The following ABHD5 variants were observed in gnomAD, a reference collection of about 807,000 sequenced individuals.
The protein encoded by ABHD5 is abhydrolase domain containing 5, lysophosphatidic acid acyltransferase, also known as 1-acylglycerol-3-phosphate O-acyltransferase ABHD5.
ABHD5 carries 30 observed loss-of-function variants against 44.9 expected under a neutral mutation model. That is an observed-to-expected ratio of 0.67 (90% CI 0.50 to 0.91). The LOEUF is 0.91. Ranked by LOEUF, ABHD5 falls within the 40% of genes least tolerant of loss-of-function variation. The pLI is 0.00. For missense variants in ABHD5, 399 were observed against 423.4 expected, an observed-to-expected ratio of 0.94 and a Z score of 0.50; for synonymous variants, 167 against 147.0, an observed-to-expected ratio of 1.14 and a Z score of -0.99.
intron 1 of ABHD5, among the ~76,000 whole-genome samples, chr3:43,694,152 G>A (rs555074886): frequency 0.011 from 1,657 of 151,498 alleles, 18 homozygotes; most frequent in Non-Finnish European, 0.014. Flanking sequence ...CCAGCTACTC[G>A]GGAGGCTGAG....
intron 2 of ABHD5, chr3:43,699,611 A>G (rs1424942658): frequency 4.7e-6 from 2 of 425,438 alleles, no homozygotes; most frequent in Non-Finnish European, 8.7e-6. Context: ...AGATTTGTTT[A>G]TGGGCTTATT....
At chr3:43,698,480 A>T (rs1484924743) in intron 1 of ABHD5, among the ~76,000 whole-genome samples, 1 of 152,208 alleles carries the variant, frequency 6.6e-6, no homozygotes, top group African/African-American at 2.4e-5. Flanking sequence ...AGGTTATTAC[A>T]GTAAGCTTTT....
In ABHD5 at chr3:43,720,466, A is replaced by G. The variant is rs541306296; in HGVS notation, c.*1934A>G. ...GATAATTTATTTTCCTACAGACTGAATTTGCTTTATTTGAAAGATGTTGTA... is the reference window on the plus strand; with the variant it reads ...GATAATTTATTTTCCTACAGACTGAGTTTGCTTTATTTGAAAGATGTTGTA... On this transcript the variant is annotated 3_prime_UTR_variant, in exon 7 of 7. Coordinates refer to ENST00000644371, the MANE Select transcript of ABHD5 (RefSeq NM_016006.6). The G allele has an allele frequency of 6.6e-6, 1 of 152,270 alleles. No homozygotes were observed. The highest frequency in any genetic ancestry group is 2.4e-5 in the African/African-American group (1 of 41,546). The allele number at this position is 152,270 out of a possible 1,614,324, so 9.4% of individuals were successfully genotyped here.
intron 3 of ABHD5, among the ~76,000 whole-genome samples, chr3:43,708,936 A>G (rs534877841): frequency 2.0e-5 from 3 of 152,352 alleles, no homozygotes; most frequent in Non-Finnish European, 4.4e-5. Context: ...TGTTCCAAAC[A>G]GTATAATTTT....
chr3:43,705,854 G>A (rs2084611701), intron 3 of ABHD5, among the ~76,000 whole-genome samples: 1 of 152,056 alleles, frequency 6.6e-6, no homozygotes, highest in Non-Finnish European at 1.5e-5. Flanking sequence ...TACTAATAAT[G>A]TTGCTCATAT....
chr3:43,695,185 C>T (rs1043528422), intron 1 of ABHD5: 2 of 152,116 alleles, frequency 1.3e-5, no homozygotes, highest in Non-Finnish European at 2.9e-5. Flanking sequence ...TTCTCTTTCC[C>T]AAGAATAGGA....
chr3:43,709,785 CCATAATCCCAG>C (rs2084665012), intron 3 of ABHD5, among the ~76,000 whole-genome samples: 1 of 152,164 alleles, frequency 6.6e-6, no homozygotes, highest in Non-Finnish European at 1.5e-5. Flanking sequence ...TGGCTCAGGC[CCATAATCCCAG>C]CACTGTGGGA....
rs984128167 is a variant in ABHD5, at chr3:43,720,088, G to A, written c.*1556G>A. ...AATGAACAATTTGTCTCACTTGTCA[G>A]ATTAACTAGGTTAGTGCAGGAAGCA... On this transcript the variant is annotated 3_prime_UTR_variant, in exon 7 of 7. Transcript: ENST00000644371. The A allele has an allele frequency of 1.3e-5, 2 of 152,206 alleles. No individual in the cohort carries two copies. Among genetic ancestry groups the A allele is most frequent in the African/African-American group, 4.8e-5 (2 of 41,452 alleles). 9.4% of individuals were successfully genotyped at this position (152,206 alleles called of 1,614,324 possible).
intron 7 of ABHD5, among the ~76,000 whole-genome samples, chr3:43,729,319 A>G (rs536471536): frequency 1.3e-5 from 2 of 152,356 alleles, no homozygotes; most frequent in South Asian, 2.1e-4. Context: ...CTTTTACAAA[A>G]GGCTCCGCAA....
downstream of ABHD5, among the ~76,000 whole-genome samples, chr3:43,725,824 A>C (rs2084873578): frequency 6.6e-6 from 1 of 151,454 alleles, no homozygotes; most frequent in African/African-American, 2.4e-5. Context: ...ATTGTTTATC[A>C]GGTTCATTAA....
chr3:43,699,317 C>G lies in ABHD5; in HGVS notation c.89C>G (p.Thr30Arg). The change falls in exon 2 of 7, where the codon ACG becomes AGG. Residue 30 changes from threonine to arginine, a missense_variant. Coordinates refer to ENST00000644371, the MANE Select transcript of ABHD5 (RefSeq NM_016006.6). ...LTGWLPTWCPTSISHLKEAEE... is the reference protein window; with the variant it reads ...LTGWLPTWCPRSISHLKEAEE... ...GGTTGGCTCCCCACATGGTGCCCTA[C>G]GTCTATATCACACCTTAAAGAAGCT... is the stretch of plus-strand genomic sequence containing the variant. 1 of 1,614,034 alleles carries G rather than the reference C, an allele frequency of 6.2e-7. No homozygotes were observed. Among genetic ancestry groups the G allele is most frequent in the South Asian group, 1.1e-5 (1 of 91,076 alleles).
At chr3:43,726,685 C>T (rs2084880271), downstream of ABHD5, among the ~76,000 whole-genome samples, 1 of 152,210 alleles carries the variant, frequency 6.6e-6, no homozygotes, top group African/African-American at 2.4e-5. Context: ...CGGCAAACAT[C>T]TGAGCATGAG....
chr3:43,733,519 A>C (rs1460441968), intron 7 of ABHD5, among the ~76,000 whole-genome samples: 1 of 152,236 alleles, frequency 6.6e-6, no homozygotes, highest in African/African-American at 2.4e-5. Flanking sequence ...AAAGGTCAAA[A>C]TGTTATGCCA....
At chr3:43,691,330 A>C in intron 1 of ABHD5, 21 of 252,646 alleles carry the variant, frequency 8.3e-5, no homozygotes, top group East Asian at 1.4e-4. Context: ...TTGTTGTATA[A>C]GCCACCCCGC....
rs966660632 is a variant in ABHD5, at chr3:43,720,661, T to C, written c.*2129T>C. 6.6e-6 allele frequency: 1 copy of C among 152,214 alleles called. No homozygotes were observed. Among genetic ancestry groups the C allele is most frequent in the African/African-American group, 2.4e-5 (1 of 41,456 alleles). The allele number at this position is 152,214 out of a possible 1,614,324, so 9.4% of individuals were successfully genotyped here. A position where few individuals can be genotyped will look rare whatever the true frequency, so the allele number is the denominator to read the frequency against. ...ATCTTTGTTATGCACAGCATACTTT[T>C]ATTTTACAGAATAAATTTTCCTGTG... On this transcript the variant is annotated 3_prime_UTR_variant, in exon 7 of 7. Transcript: ENST00000644371.
intron 1 of ABHD5, 151 bp downstream of exon 1, chr3:43,691,190 G>A: frequency 1.5e-6 from 1 of 675,596 alleles, no homozygotes; most frequent in Non-Finnish European, 2.1e-6. Context: ...AGTCCGCGCG[G>A]CGCCCAGAGG....
At chr3:43,703,326 A>G (rs1291217704) in intron 3 of ABHD5, among the ~76,000 whole-genome samples, 1 of 151,980 alleles carries the variant, frequency 6.6e-6, no homozygotes, top group East Asian at 1.9e-4. Context: ...CTACAGGTGC[A>G]TGCCACCACA....
rs1381238730 is a variant in ABHD5 at position 43,717,726 on chromosome 3, A to G, written c.829A>G (p.Met277Val). 6.2e-6 allele frequency: 10 copies of G among 1,614,122 alleles called. No individual in the cohort carries two copies. Among genetic ancestry groups the G allele is most frequent in the African/African-American group, 4.0e-5 (3 of 74,938 alleles). Reference protein sequence around the residue: ...TIPYGWAKRPMLQRIGKMHPD... With the variant: ...TIPYGWAKRPVLQRIGKMHPD... ...TCCTTATGGATGGGCAAAAAGGCCA[A>G]TGCTCCAGCGAATTGGTAAAATGCA... The change falls in exon 6 of 7, where the codon ATG becomes GTG. Residue 277 changes from methionine (M) to valine (V), a missense_variant. Met to Val is a conservative substitution (Grantham distance 21). Transcript: ENST00000644371.
chr3:43,699,329 AC>A lies in ABHD5; in HGVS notation c.103del (p.Glu37LysfsTer7). On this transcript the variant is annotated frameshift_variant, in exon 2 of 7. Transcript: ENST00000644371. LOFTEE classifies it high-confidence loss of function. ...ACATGGTGCCCTACGTCTATATCAC[AC>A]CTTAAAGAAGCTGAAGAGAAGATGT... ...LPTWCPTSIS[H>X]LKEAEEKMLK... The A allele has an allele frequency of 6.2e-7, 1 of 1,614,014 alleles. No individual in the cohort carries two copies. Among genetic ancestry groups the A allele is most frequent in the Non-Finnish European group, 8.5e-7 (1 of 1,179,906 alleles).
Sources: allele counts gnomAD v4.1 joint callset (sites outside exome capture counted in the v4.1 genomes callset), GRCh38; gene constraint gnomAD v4.1.1; transcripts MANE v1.5; gene names NCBI Gene and HGNC (gene_info 2026-07-23, HGNC 2026-07-21).